The following ST6GAL1 variants were observed in gnomAD, a reference collection of about 807,000 sequenced individuals.
ST6GAL1 encodes the protein ST6 beta-galactoside alpha-2,6-sialyltransferase 1, also known as beta-galactoside alpha-2,6-sialyltransferase 1.
Under a neutral mutation model 38.0 loss-of-function variants are expected in ST6GAL1, and 20 were observed. The ratio of observed to expected loss-of-function variants is 0.53; its 90% CI spans 0.37 to 0.77. The LOEUF (loss-of-function observed/expected upper bound fraction) is 0.77, where lower values mean the gene tolerates loss of function less well. ST6GAL1 is among the 30% of genes least tolerant of loss of function. ST6GAL1 has a pLI of 0.00. For missense variants in ST6GAL1, 432 were observed against 496.4 expected (o/e 0.87, Z 1.23); for synonymous variants, 196 against 188.2 (o/e 1.04, Z -0.34).
At chr3:186,977,158 C>T (rs567508009) in intron 2 of ST6GAL1, among the ~76,000 whole-genome samples, 7 of 152,228 alleles carry the variant, frequency 4.6e-5, no homozygotes, top group African/African-American at 1.4e-4. Context: ...TGTCTGCTTC[C>T]GGGGGTCTCT....
At chr3:187,062,527 C>T (rs1718954188) in intron 5 of ST6GAL1, among the ~76,000 whole-genome samples, 1 of 150,418 alleles carries the variant, frequency 6.6e-6, no homozygotes, top group Non-Finnish European at 1.5e-5. Flanking sequence ...AGATTGGCTA[C>T]AACATGGATG....
intron 2 of ST6GAL1, chr3:187,024,734 A>T (rs1717466426): frequency 6.6e-6 from 1 of 152,044 alleles, no homozygotes; most frequent in African/African-American, 2.4e-5. Context: ...CAACAAATAT[A>T]TGCCGTGGAA....
chr3:186,960,378 C>T (rs977653399), intron 1 of ST6GAL1, among the ~76,000 whole-genome samples: 3 of 152,122 alleles, frequency 2.0e-5, no homozygotes, highest in Non-Finnish European at 4.4e-5. Context: ...AGAACAGGCC[C>T]TGAGGAGAAG....
At chr3:187,005,028 CAT>C (rs1716735351) in intron 2 of ST6GAL1, among the ~76,000 whole-genome samples, 1 of 151,692 alleles carries the variant, frequency 6.6e-6, no homozygotes, top group Non-Finnish European at 1.5e-5. Context: ...TGACTGCCAC[CAT>C]CAATAAGAAG....
intron 2 of ST6GAL1, among the ~76,000 whole-genome samples, chr3:187,031,589 C>G (rs1362693197): frequency 1.3e-5 from 2 of 152,110 alleles, no homozygotes; most frequent in Non-Finnish European, 2.9e-5. Context: ...ACACACGTCA[C>G]CACGCCCCGC....
intron 2 of ST6GAL1, among the ~76,000 whole-genome samples, chr3:187,004,999 T>A (rs1438082584): frequency 6.6e-6 from 1 of 151,844 alleles, no homozygotes; most frequent in Admixed American, 6.5e-5. Context: ...TAGGAGCTTC[T>A]AAGTCTTACA....
At chr3:186,975,404 T>C (rs959263241) in intron 2 of ST6GAL1, among the ~76,000 whole-genome samples, 7 of 152,110 alleles carry the variant, frequency 4.6e-5, no homozygotes, top group Non-Finnish European at 4.4e-5. Context: ...GTCCTAGTAT[T>C]AGATGATGTG....
chr3:186,989,779 G>GA, intron 2 of ST6GAL1, among the ~76,000 whole-genome samples: 1 of 152,324 alleles, frequency 6.6e-6, no homozygotes, highest in Non-Finnish European at 1.5e-5. Flanking sequence ...TTTACTATTT[G>GA]AAAAATAGCA....
chr3:187,006,950 T>G (rs1394341696), intron 2 of ST6GAL1, among the ~76,000 whole-genome samples: 1 of 152,228 alleles, frequency 6.6e-6, no homozygotes, highest in Non-Finnish European at 1.5e-5. Flanking sequence ...TTAGTGGAGT[T>G]TTGAAACATG....
chr3:187,012,653 C>A (rs1250220315), intron 2 of ST6GAL1, among the ~76,000 whole-genome samples: 3 of 152,238 alleles, frequency 2.0e-5, no homozygotes, highest in Non-Finnish European at 4.4e-5. Context: ...CAGTCCTGAG[C>A]AAGGGTGCTG....
intron 2 of ST6GAL1, among the ~76,000 whole-genome samples, chr3:187,009,264 TG>T (rs1316853698): frequency 2.0e-5 from 3 of 152,180 alleles, no homozygotes; most frequent in Non-Finnish European, 4.4e-5. Context: ...TTATTTTTAA[TG>T]GTACTATGGT....
At chr3:186,950,639 G>C (rs568992686) in intron 1 of ST6GAL1, among the ~76,000 whole-genome samples, 1 of 152,242 alleles carries the variant, frequency 6.6e-6, no homozygotes, top group African/African-American at 2.4e-5. Context: ...AGGTAGGTGG[G>C]AGGAGGGGTG....
rs564687417 is a variant in ST6GAL1 at position 186,952,090 on chromosome 3, G to A, written c.-324-11695G>A. ...TGATTCTGCAGGCTGTACAGGCATG[G>A]CACCCACATCATCTTCTGGTGAGGC... On this transcript the variant is annotated intron_variant, in intron 1 of 7. Transcript: ENST00000169298. This position sits in a 1 kb window ranked among gnomAD's most constrained non-coding sequence, Gnocchi z 4.1. 3.6e-4 allele frequency among the ~76,000 whole-genome samples: 55 copies of A among 152,258 alleles called. No homozygotes were observed. Among genetic ancestry groups the A allele is most frequent in the African/African-American group, 1.3e-3 (52 of 41,548 alleles).
chr3:187,003,841 AT>A (rs958601023), intron 2 of ST6GAL1, among the ~76,000 whole-genome samples: 93 of 151,688 alleles, frequency 6.1e-4, no homozygotes, highest in African/African-American at 1.9e-3. Flanking sequence ...TTGCCAAAAC[AT>A]TTTTTTTTCC....
Position 187,077,375 on chromosome 3 carries a change from T to G in ST6GAL1, c.*1572T>G. On this transcript the variant is annotated 3_prime_UTR_variant, in exon 8 of 8. Transcript: ENST00000169298. ...ACCAAGTCATGCTGTAGAGCCAGGA[T>G]TCCTAGACCCAGGGCTCTGCACTCT... 6.2e-6 allele frequency: 1 copy of G among 161,954 alleles called. No individual in the cohort carries two copies. The highest frequency in any genetic ancestry group is 1.3e-5 in the Non-Finnish European group (1 of 75,000). 10.0% of individuals were successfully genotyped at this position (161,954 alleles called of 1,614,324 possible). A position where few individuals can be genotyped will look rare whatever the true frequency, so the allele number is the denominator to read the frequency against.
intron 2 of ST6GAL1, among the ~76,000 whole-genome samples, chr3:187,011,243 C>T (rs1040198821): frequency 7.9e-5 from 12 of 152,210 alleles, no homozygotes; most frequent in African/African-American, 2.9e-4. Context: ...AAGTGATCCG[C>T]CCACTTCGGC....
At chr3:186,980,063 A>G (rs1715642802) in intron 2 of ST6GAL1, among the ~76,000 whole-genome samples, 1 of 152,218 alleles carries the variant, frequency 6.6e-6, no homozygotes, top group Admixed American at 6.5e-5. Context: ...AGGTTAAGTA[A>G]GTTGCCTGAA....
At chr3:186,997,251 T>C (rs904553595) in intron 2 of ST6GAL1, among the ~76,000 whole-genome samples, 2 of 152,132 alleles carry the variant, frequency 1.3e-5, no homozygotes, top group Non-Finnish European at 2.9e-5. Context: ...ACGTGTTATC[T>C]CATGCAATGA....
chr3:186,969,218 T>G (rs961465730), intron 2 of ST6GAL1, among the ~76,000 whole-genome samples: 2 of 151,768 alleles, frequency 1.3e-5, no homozygotes, highest in Admixed American at 1.3e-4. Flanking sequence ...ATGCCTGGCC[T>G]ATTTTTGTAT....
Sources: gnomAD v4.1 joint callset for allele counts (sites outside exome capture counted in the v4.1 genomes callset) on GRCh38, gnomAD v4.1.1 for gene constraint, Gnocchi (gnomAD v3.1) non-coding constraint, MANE v1.5 for transcripts, NCBI Gene and HGNC (gene_info 2026-07-23, HGNC 2026-07-21) for gene names.